TAOK3: variants seen among roughly 807,000 people sequenced by gnomAD.
TAOK3 encodes the protein serine/threonine-protein kinase TAO3.
Under a neutral mutation model 120.4 loss-of-function variants are expected in TAOK3, and 40 were observed. The observed-to-expected ratio is 0.33, with a 90% CI of 0.26 to 0.43. The LOEUF is 0.43. Among genes scored for constraint, TAOK3 ranks in the 20% least tolerant of loss-of-function variants. The probability of loss-of-function intolerance (pLI) is 1.00; values close to 1 mark genes in which losing one functional copy is unlikely to be tolerated. For missense variants in TAOK3, 821 were observed against 1,112.1 expected, an observed-to-expected ratio of 0.74 and a Z score of 3.72; for synonymous variants, 355 against 387.5, an observed-to-expected ratio of 0.92 and a Z score of 0.99.
chr12:118,157,289 T>TGATG (rs1351178027), intron 19 of TAOK3, among the ~76,000 whole-genome samples: 1 of 152,074 alleles, frequency 6.6e-6, no homozygotes, highest in Non-Finnish European at 1.5e-5. Context: ...GTCACCAGAG[T>TGATG]GATGGTTCAA....
chr12:118,239,947 A>T (rs796195535), intron 5 of TAOK3, among the ~76,000 whole-genome samples: 10 of 152,080 alleles, frequency 6.6e-5, no homozygotes, highest in Non-Finnish European at 1.5e-4. Flanking sequence ...CAGGTGGATC[A>T]CCTGAGGCCA....
intron 3 of TAOK3, among the ~76,000 whole-genome samples, chr12:118,253,954 CAGG>C (rs1441035223): frequency 1.3e-5 from 2 of 151,958 alleles, no homozygotes; most frequent in African/African-American, 4.8e-5. Flanking sequence ...AAGGCTGACG[CAGG>C]AGAATTGCTT....
rs773312270 is a variant in TAOK3 at position 118,172,441 on chromosome 12, C to T, written c.1899+16G>A. On this transcript the variant is annotated intron_variant, in intron 17 of 20. Transcript: ENST00000392533. ...TCTCCTATGTCAATGACAATAGTTA[C>T]GAGCGTAATAAATACCTCCCGAATG... 5.6e-6 allele frequency: 9 copies of T among 1,612,840 alleles called. No homozygotes were observed. The highest frequency in any genetic ancestry group is 3.3e-5 in the Admixed American group (2 of 59,990).
At chr12:118,303,547 A>G (rs1378560008) in intron 1 of TAOK3, among the ~76,000 whole-genome samples, 1 of 152,254 alleles carries the variant, frequency 6.6e-6, no homozygotes, top group Non-Finnish European at 1.5e-5. Context: ...ACGTCCATTT[A>G]CAAACTTCAT....
chr12:118,213,967 A>C, intron 10 of TAOK3, 50 bp downstream of exon 10: 1 of 1,469,634 alleles, frequency 6.8e-7, no homozygotes, highest in Non-Finnish European at 9.5e-7. Context: ...AAAAATGTCA[A>C]ATACATACGG....
At chr12:118,269,789 A>G (rs1267401245) in intron 1 of TAOK3, among the ~76,000 whole-genome samples, 1 of 152,094 alleles carries the variant, frequency 6.6e-6, no homozygotes, top group African/African-American at 2.4e-5. Context: ...TCTCAGTTTT[A>G]TCTTTTCTTT....
chr12:118,334,660 G>A (rs1487596167), intron 1 of TAOK3, among the ~76,000 whole-genome samples: 2 of 152,100 alleles, frequency 1.3e-5, no homozygotes, highest in Non-Finnish European at 2.9e-5. Context: ...CAGATCATGA[G>A]GTCAGAAGTT....
At chr12:118,287,062 C>T (rs1050006710) in intron 1 of TAOK3, among the ~76,000 whole-genome samples, 7 of 151,906 alleles carry the variant, frequency 4.6e-5, no homozygotes, top group Non-Finnish European at 8.8e-5. Context: ...TTTGGGGACT[C>T]GGGGAAAGGA....
At chr12:118,362,779 A>G (rs142247485) in intron 1 of TAOK3, among the ~76,000 whole-genome samples, 6 of 152,290 alleles carry the variant, frequency 3.9e-5, no homozygotes, top group Non-Finnish European at 8.8e-5. Flanking sequence ...GAACTTTGGA[A>G]GGCCAAGGTA....
At chr12:118,271,893 C>T (rs1211602587) in intron 1 of TAOK3, among the ~76,000 whole-genome samples, 1 of 152,158 alleles carries the variant, frequency 6.6e-6, no homozygotes, top group Non-Finnish European at 1.5e-5. Context: ...TTTCCCTCTT[C>T]CTTAACCTCC....
chr12:118,162,332 G>T (rs561430192), intron 17 of TAOK3, among the ~76,000 whole-genome samples: 4 of 152,166 alleles, frequency 2.6e-5, no homozygotes, highest in Non-Finnish European at 5.9e-5. Context: ...ACCTTAGTTA[G>T]GTGATGTGCT....
At chr12:118,169,964 G>A (rs1348395302) in intron 17 of TAOK3, among the ~76,000 whole-genome samples, 1 of 151,708 alleles carries the variant, frequency 6.6e-6, no homozygotes, top group African/African-American at 2.4e-5. Context: ...CTCGTGATCC[G>A]CCCGCCTCGG....
chr12:118,346,137 CA>C lies in TAOK3; in HGVS notation c.-194+26510del, dbSNP rs561917920. Among the ~76,000 whole-genome samples the C allele has an allele frequency of 3.0e-3, 456 of 151,854 alleles. 1 individual carries two copies. The highest frequency in any genetic ancestry group is 0.01 in the Middle Eastern group (3 of 292). ...CACATGTATTTTTTATTTATTAAAG[CA>C]AAAAACATGTATTACTTGTATAGCT... On this transcript the variant is annotated intron_variant, in intron 1 of 20. Coordinates refer to ENST00000392533, the MANE Select transcript of TAOK3 (RefSeq NM_016281.4).
chr12:118,289,781 G>A (rs550503332), intron 1 of TAOK3, among the ~76,000 whole-genome samples: 6 of 152,076 alleles, frequency 3.9e-5, no homozygotes, highest in Non-Finnish European at 8.8e-5. Context: ...AATCACCTGA[G>A]GTCTGGAGTT....
At position 118,199,094 on chromosome 12, in the gene TAOK3, T is replaced by A; in HGVS notation, c.1151A>T (p.Asp384Val). The change falls in exon 13 of 21, where the codon GAC becomes GTC. Residue 384 changes from aspartate (D) to valine (V), a missense_variant. Asp to Val is a radical substitution (Grantham distance 152, BLOSUM62 -3). Transcript: ENST00000392533. ...GGAGCTGGAATTGATTGTGCTTTCG[T>A]CATCGTGCATCATGACAAGTTCGGA... is the stretch of plus-strand genomic sequence containing the variant. ...SSSELVMMHD[D>V]ESTINSSSSV... 6.2e-7 allele frequency: 1 copy of A among 1,614,192 alleles called. No individual in the cohort carries two copies. The highest frequency in any genetic ancestry group is 1.1e-5 in the South Asian group (1 of 91,088).
At chr12:118,153,109 A>G (rs539063664) in intron 19 of TAOK3, among the ~76,000 whole-genome samples, 99 of 152,276 alleles carry the variant, frequency 6.5e-4, no homozygotes, top group Non-Finnish European at 1.1e-3. Context: ...CAAAACTCCA[A>G]ATGGTTCAAA....
At chr12:118,176,276 G>A (rs1009186722) in intron 16 of TAOK3, among the ~76,000 whole-genome samples, 1 of 152,130 alleles carries the variant, frequency 6.6e-6, no homozygotes, top group Non-Finnish European at 1.5e-5. Flanking sequence ...GGGAAGGGTG[G>A]AGCTTGATAA....
At chr12:118,203,863 AAAT>A (rs2038157540) in intron 11 of TAOK3, among the ~76,000 whole-genome samples, 1 of 152,226 alleles carries the variant, frequency 6.6e-6, no homozygotes, top group Admixed American at 6.5e-5. Flanking sequence ...TCAACCAAAC[AAAT>A]AATAATAAAA....
In TAOK3 at chr12:118,201,428, G is replaced by A. The variant is rs1163276866; in HGVS notation, c.855C>T (p.Val285=). ...TTGTCCTCTGTATGAGGTCAATGAG[G>A]ACACGTAGTGGCCGGTCTCGTCGAA... is the stretch of plus-strand genomic sequence containing the variant. The part of the protein sequence containing the change: ...DFVRRDRPLR[V]LIDLIQRTKD... The change falls in exon 12 of 21, where the codon GTC becomes GTT. Residue 285 remains valine (V), a synonymous_variant. Coordinates refer to ENST00000392533, the MANE Select transcript of TAOK3 (RefSeq NM_016281.4). 4 of 1,613,634 alleles carry A rather than the reference G, an allele frequency of 2.5e-6. No homozygotes were observed. In the East Asian group the frequency reaches 6.7e-5, roughly 27 times the overall value.
Sources: allele counts gnomAD v4.1 joint callset (sites outside exome capture counted in the v4.1 genomes callset), GRCh38; gene constraint gnomAD v4.1.1; transcripts MANE v1.5; gene names NCBI Gene and HGNC (gene_info 2026-07-23, HGNC 2026-07-21).